Variants in QTMAN observed in about 807,000 individuals in gnomAD.
The protein encoded by QTMAN is queuosine-tRNA mannosyltransferase.
chr2:144,167,261 T>C, the QTMAN span, among the ~76,000 whole-genome samples: 1 of 152,294 alleles, frequency 6.6e-6, no homozygotes, highest in East Asian at 1.9e-4. Context: ...CTTAAACAAA[T>C]ATTCCTTATG....
chr2:144,318,483 A>G, the QTMAN span, among the ~76,000 whole-genome samples: 1 of 152,226 alleles, frequency 6.6e-6, no homozygotes, highest in African/African-American at 2.4e-5. Context: ...CTTCAATGAA[A>G]AAACAGCTTA....
the QTMAN span, chr2:143,941,716 C>T: frequency 1.3e-5 from 2 of 151,818 alleles, no homozygotes; most frequent in African/African-American, 4.8e-5. Context: ...TACATAGTCT[C>T]TTATGTCCCT....
At chr2:144,156,598 T>C in the QTMAN span, among the ~76,000 whole-genome samples, 2 of 152,028 alleles carry the variant, frequency 1.3e-5, no homozygotes, top group Admixed American at 6.6e-5. Flanking sequence ...AGGGGAAACA[T>C]TTAAAAGCCA....
At chr2:144,078,513 T>G in the QTMAN span, among the ~76,000 whole-genome samples, 1 of 152,224 alleles carries the variant, frequency 6.6e-6, no homozygotes, top group Non-Finnish European at 1.5e-5. Context: ...CAGAAAGATA[T>G]GCATTTAAGA....
chr2:144,010,609 T>G, the QTMAN span, among the ~76,000 whole-genome samples: 1 of 152,072 alleles, frequency 6.6e-6, no homozygotes, highest in Non-Finnish European at 1.5e-5. Flanking sequence ...AGACACTAAG[T>G]CTGTCAGGAT....
the QTMAN span, among the ~76,000 whole-genome samples, chr2:143,995,423 C>T: frequency 6.6e-6 from 1 of 152,134 alleles, no homozygotes; most frequent in East Asian, 1.9e-4. Flanking sequence ...ATATTATTTG[C>T]TACTAAGAAT....
the QTMAN span, among the ~76,000 whole-genome samples, chr2:144,078,179 G>A: frequency 6.6e-6 from 1 of 152,264 alleles, no homozygotes; most frequent in South Asian, 2.1e-4. Flanking sequence ...TCCACCAACA[G>A]AGTCAGCTTT....
the QTMAN span, among the ~76,000 whole-genome samples, chr2:144,108,112 A>C: frequency 1.3e-5 from 2 of 152,222 alleles, no homozygotes; most frequent in Non-Finnish European, 2.9e-5. Flanking sequence ...TATCAAAATC[A>C]TAAGAGCTAT....
At chr2:144,031,413 T>G in the QTMAN span, among the ~76,000 whole-genome samples, 2 of 152,108 alleles carry the variant, frequency 1.3e-5, no homozygotes, top group African/African-American at 4.8e-5. Context: ...TCTTGTAGAC[T>G]CGAACAAGAA....
the QTMAN span, among the ~76,000 whole-genome samples, chr2:144,148,562 G>T: frequency 6.6e-6 from 1 of 151,778 alleles, no homozygotes; most frequent in Admixed American, 6.6e-5. Flanking sequence ...CATCATATCT[G>T]TATTTCTAGC....
At chr2:144,205,312 C>T in the QTMAN span, among the ~76,000 whole-genome samples, 1 of 152,270 alleles carries the variant, frequency 6.6e-6, no homozygotes, top group Admixed American at 6.5e-5. Flanking sequence ...TTGCGGACAT[C>T]ACAACCAGTC....
the QTMAN span, among the ~76,000 whole-genome samples, chr2:144,325,110 T>C: frequency 6.6e-6 from 1 of 152,252 alleles, no homozygotes; most frequent in Admixed American, 6.5e-5. Context: ...CTGCTTAATA[T>C]TTAAACCCAA....
chr2:144,137,611 T>C, the QTMAN span, among the ~76,000 whole-genome samples: 1 of 152,112 alleles, frequency 6.6e-6, no homozygotes, highest in Non-Finnish European at 1.5e-5. Flanking sequence ...GATTTTGAGA[T>C]ACCAGTTCTA....
At chr2:144,173,667 G>A in the QTMAN span, among the ~76,000 whole-genome samples, 3 of 152,120 alleles carry the variant, frequency 2.0e-5, no homozygotes, top group Non-Finnish European at 2.9e-5. Flanking sequence ...TGAGCAATGG[G>A]CATGATTTCC....
chr2:144,155,585 A>G, the QTMAN span, among the ~76,000 whole-genome samples: 1 of 152,150 alleles, frequency 6.6e-6, no homozygotes, highest in African/African-American at 2.4e-5. Flanking sequence ...TAAATACTAT[A>G]AAGTTTGAAG....
chr2:144,145,675 T>G, the QTMAN span: 4 of 1,611,740 alleles, frequency 2.5e-6, no homozygotes, highest in African/African-American at 5.4e-5. Flanking sequence ...TTTTTCAGTT[T>G]CCCAAGGTCA....
At chr2:144,324,246 T>A in the QTMAN span, among the ~76,000 whole-genome samples, 4 of 152,214 alleles carry the variant, frequency 2.6e-5, no homozygotes, top group African/African-American at 9.7e-5. Flanking sequence ...TACAAGAGTC[T>A]TATACAGTTT....
the QTMAN span, among the ~76,000 whole-genome samples, chr2:144,092,088 C>T: frequency 6.6e-6 from 1 of 151,916 alleles, no homozygotes; most frequent in Non-Finnish European, 1.5e-5. Flanking sequence ...CATAAGGAAG[C>T]TTTTAGAGTG....
the QTMAN span, among the ~76,000 whole-genome samples, chr2:144,185,898 C>CA: frequency 3.3e-5 from 5 of 152,248 alleles, no homozygotes; most frequent in East Asian, 9.6e-4. Context: ...AAGCTATAGA[C>CA]ATAGGAAAGA....
Sources: gnomAD v4.1 joint callset for allele counts (sites outside exome capture counted in the v4.1 genomes callset) on GRCh38, gnomAD v4.1.1 for gene constraint, MANE v1.5 for transcripts, NCBI Gene and HGNC (gene_info 2026-07-23, HGNC 2026-07-21) for gene names.